MYBPC1: variants seen among roughly 807,000 people sequenced by gnomAD.
MYBPC1 encodes myosin binding protein C1, also known as myosin-binding protein C, slow-type.
Under a neutral mutation model 147.1 loss-of-function variants are expected in MYBPC1, and 52 were observed. That is an observed-to-expected ratio of 0.35 (90% confidence interval 0.28 to 0.45). The LOEUF (loss-of-function observed/expected upper bound fraction) is 0.45, where lower values mean the gene tolerates loss of function less well. Ranked by LOEUF, MYBPC1 falls within the 20% of genes least tolerant of loss-of-function variation. The probability of loss-of-function intolerance (pLI) is 1.00; values close to 1 mark genes in which losing one functional copy is unlikely to be tolerated. For missense variants in MYBPC1, 1,228 were observed against 1,440.3 expected, an observed-to-expected ratio of 0.85 and a Z score of 2.39; for synonymous variants, 477 against 475.9, an observed-to-expected ratio of 1.00 and a Z score of -0.03.
intron 18 of MYBPC1, among the ~76,000 whole-genome samples, chr12:101,654,738 C>G (rs1421602947): frequency 6.6e-6 from 1 of 152,188 alleles, no homozygotes; most frequent in Admixed American, 6.5e-5. Context: ...GGCACTCACA[C>G]AAGGCCAATA....
At chr12:101,672,293 ATG>A (rs1209936961) in intron 24 of MYBPC1, among the ~76,000 whole-genome samples, 2 of 152,106 alleles carry the variant, frequency 1.3e-5, no homozygotes, top group Non-Finnish European at 2.9e-5. Flanking sequence ...TAACCTAGCC[ATG>A]TTCAGAGCCC....
At chr12:101,617,160 C>A in intron 2 of MYBPC1, 42 bp from the exon 3 acceptor site, 1 of 1,608,328 alleles carries the variant, frequency 6.2e-7, no homozygotes, top group Non-Finnish European at 8.5e-7. Context: ...CAATAAAATG[C>A]TTTAAGGCAC....
At chr12:101,624,414 G>A (rs564763572) in intron 3 of MYBPC1, among the ~76,000 whole-genome samples, 1 of 151,980 alleles carries the variant, frequency 6.6e-6, no homozygotes, top group Admixed American at 6.6e-5. Flanking sequence ...AACATTCCTG[G>A]GCATGTATTT....
At chr12:101,649,227 T>A (rs751170260) in intron 14 of MYBPC1, 33 bp from the exon 15 acceptor site, 1 of 1,596,264 alleles carries the variant, frequency 6.3e-7, no homozygotes, top group African/African-American at 1.3e-5. Flanking sequence ...AAGGATCTTT[T>A]ACAAACCTTT....
At position 101,680,518 on chromosome 12, in the gene MYBPC1, T is replaced by C; in HGVS notation, c.3422T>C (p.Leu1141Pro). 1 of 1,613,996 alleles carries C rather than the reference T, an allele frequency of 6.2e-7. No homozygotes were observed. Among genetic ancestry groups the C allele is most frequent in the Non-Finnish European group, 8.5e-7 (1 of 1,179,926 alleles). ...DLGTVEIECK[L>P]EVKVIYQGVN... ...GGGACAGTGGAGATTGAATGCAAAC[T>C]GGAGGTGAAAGGTATGACATCCAAT... Residue 1141 changes from leucine (L) to proline (P), a missense_variant, in exon 29 of 32, where the codon CTG becomes CCG. By Grantham distance (98) the Leu-to-Pro change is moderately conservative. Around this residue, in one of 2 missense-constraint regions of MYBPC1, gnomAD observed 1,077 missense variants for 1,314.2 expected, o/e 0.82. Coordinates refer to ENST00000361466, the MANE Select transcript of MYBPC1 (RefSeq NM_002465.4).
At chr12:101,595,754 T>G (rs1876985400) in intron 1 of MYBPC1, among the ~76,000 whole-genome samples, 1 of 152,114 alleles carries the variant, frequency 6.6e-6, no homozygotes, top group Non-Finnish European at 1.5e-5. Context: ...TTTCATAATA[T>G]GTAGTAGGCT....
intron 1 of MYBPC1, among the ~76,000 whole-genome samples, chr12:101,611,238 A>T (rs886527877): frequency 6.6e-6 from 1 of 152,218 alleles, no homozygotes; most frequent in Admixed American, 6.5e-5. Flanking sequence ...TCTCTGATAG[A>T]GTTGGCTATT....
chr12:101,644,170 G>A (rs988328637), intron 11 of MYBPC1, among the ~76,000 whole-genome samples: 2 of 152,064 alleles, frequency 1.3e-5, no homozygotes, highest in African/African-American at 4.8e-5. Flanking sequence ...CCGAGTAGCT[G>A]GGATTACAGG....
intron 8 of MYBPC1, among the ~76,000 whole-genome samples, chr12:101,634,189 C>T (rs887387985): frequency 6.6e-6 from 1 of 152,044 alleles, no homozygotes; most frequent in Non-Finnish European, 1.5e-5. Flanking sequence ...CGTGAGCCAC[C>T]GCGCCCGGCC....
intron 22 of MYBPC1, among the ~76,000 whole-genome samples, chr12:101,667,136 A>G (rs1040607090): frequency 1.3e-5 from 2 of 152,228 alleles, no homozygotes; most frequent in African/African-American, 4.8e-5. Flanking sequence ...GGTTGCAAGG[A>G]TAGAATTCTA....
intron 16 of MYBPC1, 46 bp downstream of exon 16, chr12:101,651,439 AC>A: frequency 6.2e-7 from 1 of 1,606,808 alleles, no homozygotes; most frequent in Non-Finnish European, 8.5e-7. Context: ...TCCCATTTCT[AC>A]TTTCTCCATT....
chr12:101,682,280 A>G (rs1318835024), intron 29 of MYBPC1, among the ~76,000 whole-genome samples: 1 of 152,230 alleles, frequency 6.6e-6, no homozygotes, highest in Non-Finnish European at 1.5e-5. Context: ...ATGCTTTAAC[A>G]AATGGAACAA....
At chr12:101,595,822 C>G (rs1593543758) in intron 1 of MYBPC1, among the ~76,000 whole-genome samples, 1 of 151,972 alleles carries the variant, frequency 6.6e-6, no homozygotes, top group East Asian at 1.9e-4. Flanking sequence ...AATGTTTTCC[C>G]TAACAAAGTT....
At chr12:101,675,496 T>C (rs1199935656) in intron 26 of MYBPC1, 65 bp downstream of exon 26, 9 of 1,606,780 alleles carry the variant, frequency 5.6e-6, no homozygotes, top group Middle Eastern at 1.8e-4. Context: ...GTAAAGGAGA[T>C]GGCACAAGGG....
At chr12:101,613,047 A>G (rs1884834544) in intron 1 of MYBPC1, among the ~76,000 whole-genome samples, 2 of 152,178 alleles carry the variant, frequency 1.3e-5, no homozygotes, top group Non-Finnish European at 2.9e-5. Context: ...GGTTATATAT[A>G]TCCTTCTCCC....
At position 101,627,782 on chromosome 12, in the gene MYBPC1, G is replaced by C. The variant is rs1295234883; in HGVS notation, c.156G>C (p.Arg52=). The C allele has an allele frequency of 6.2e-7, 1 of 1,613,820 alleles. No individual in the cohort carries two copies. Among genetic ancestry groups the C allele is most frequent in the Non-Finnish European group, 8.5e-7 (1 of 1,179,912 alleles). ...CTTTCCTTTCAGGTTTGGGTAGTCG[G>C]GCCCTGGAGAGAAAAGATTCAGGTG... ...PSALPPGLGS[R]ALERKDSDWT... Residue 52 remains arginine, a synonymous_variant, in exon 5 of 32, where the codon CGG becomes CGC. Coordinates refer to ENST00000361466, the MANE Select transcript of MYBPC1 (RefSeq NM_002465.4).
intron 1 of MYBPC1, among the ~76,000 whole-genome samples, chr12:101,605,751 A>G (rs1881888430): frequency 6.6e-6 from 1 of 151,980 alleles, no homozygotes; most frequent in Non-Finnish European, 1.5e-5. Flanking sequence ...AATTCCAGCT[A>G]CTCAGGAGGC....
At chr12:101,693,131 A>G in the MYBPC1 span, among the ~76,000 whole-genome samples, 1 of 151,980 alleles carries the variant, frequency 6.6e-6, no homozygotes, top group Non-Finnish European at 1.5e-5. Flanking sequence ...TATTTTTAGT[A>G]GAGACAGGGC....
rs773797019 is a variant in MYBPC1 at position 101,631,605 on chromosome 12, T to C, written c.324T>C (p.Ala108=). The change falls in exon 7 of 32, where the codon GCT becomes GCC. Residue 108 remains alanine, a synonymous_variant. Transcript: ENST00000361466. ...TCACCTTCATAGCCAAAGTCAAGGC[T>C]GAAGATCTTCTGAGAAAACCCACTA... ...EDITFIAKVK[A]EDLLRKPTIK... The C allele has an allele frequency of 1.9e-6, 3 of 1,614,050 alleles. No individual in the cohort carries two copies. In the East Asian group the frequency reaches 6.7e-5, roughly 36 times the overall value.
Sources: gnomAD v4.1 joint callset for allele counts (sites outside exome capture counted in the v4.1 genomes callset) on GRCh38, gnomAD v4.1.1 for gene constraint, gnomAD v4.1.1 regional missense constraint, MANE v1.5 for transcripts, NCBI Gene and HGNC (gene_info 2026-07-23, HGNC 2026-07-21) for gene names.